The following CHRDL2 variants were observed in gnomAD, a reference collection of about 807,000 sequenced individuals.
The protein encoded by CHRDL2 is chordin-like protein 2.
In CHRDL2, 41 loss-of-function variants were observed where a neutral mutation model predicts 54.3. The ratio of observed to expected loss-of-function variants is 0.76; its 90% CI spans 0.59 to 0.98. CHRDL2 has a LOEUF of 0.98. Ranked by LOEUF, CHRDL2 falls within the 50% of genes least tolerant of loss-of-function variation. CHRDL2 has a pLI of 0.00. For synonymous variants in CHRDL2, 220 were observed against 224.3 expected (o/e 0.98, Z 0.17); for missense variants, 518 against 562.4 (o/e 0.92, Z 0.80).
chr11:74,713,650 AG>A (rs1005491567), intron 2 of CHRDL2, among the ~76,000 whole-genome samples, 171 bp from the exon 3 acceptor site: 2 of 152,184 alleles, frequency 1.3e-5, no homozygotes, highest in African/African-American at 4.8e-5. Flanking sequence ...CTGCCCACCA[AG>A]GGGATCTCAC....
chr11:74,709,112 G>A lies in CHRDL2; in HGVS notation c.433-717C>T, dbSNP rs144250870. ...AGAGGGTCTGAGAAGTGAGTGTTCC[G>A]GTCCCTCGGGTGAGGCCAGAAGAAA... is the stretch of plus-strand genomic sequence containing the variant. On this transcript the variant is annotated intron_variant, in intron 4 of 10. Transcript: ENST00000376332. 7.9e-4 allele frequency among the ~76,000 whole-genome samples: 121 copies of A among 152,312 alleles called. 4 individuals carry two copies. The South Asian group carries it at 0.024, about 30-fold the overall frequency.
rs763486343 is a variant in CHRDL2, at chr11:74,703,474, G to C, written c.777C>G (p.Tyr259Ter). 4 of 1,607,110 alleles carry C rather than the reference G, an allele frequency of 2.5e-6. No individual in the cohort carries two copies. The highest frequency in any genetic ancestry group is 1.7e-6 in the Non-Finnish European group (2 of 1,175,962). The change falls in exon 8 of 11, where the codon TAC (tyrosine) becomes TAG (stop). Residue 259 changes from tyrosine to a stop codon, truncating the protein, a stop_gained. Transcript: ENST00000376332. LOFTEE classifies it high-confidence loss of function. ...CCGGGTGCCACACCTCCCCGTGGGA[G>C]TACGTCTTCCCGCCATGCACACAGG... is the stretch of plus-strand genomic sequence containing the variant. ...KKACVHGGKT[Y>*]SHGEVWHPAF... is the part of the protein sequence containing the mutation.
chr11:74,706,386 A>T, intron 6 of CHRDL2, 101 bp downstream of exon 6: 1 of 1,174,140 alleles, frequency 8.5e-7, no homozygotes, highest in Non-Finnish European at 1.3e-6. Flanking sequence ...CAAACAAGAA[A>T]TGAGGACAAT....
At chr11:74,709,620 T>C (rs2034120109) in intron 4 of CHRDL2, among the ~76,000 whole-genome samples, 1 of 152,192 alleles carries the variant, frequency 6.6e-6, no homozygotes, top group Admixed American at 6.5e-5. Context: ...CTGTTTGCTC[T>C]GCAGCACAGA....
At chr11:74,718,976 C>T (rs2034438124) in intron 1 of CHRDL2, 144 bp from the exon 2 acceptor site, 1 of 611,290 alleles carries the variant, frequency 1.6e-6, no homozygotes, top group Non-Finnish European at 2.9e-6. Flanking sequence ...TGGGCATGCT[C>T]TCCTAGGCAA....
intron 9 of CHRDL2, among the ~76,000 whole-genome samples, chr11:74,702,592 T>G (rs1177231227): frequency 6.6e-6 from 1 of 152,214 alleles, no homozygotes; most frequent in African/African-American, 2.4e-5. Context: ...GCCTTGGCAT[T>G]AGCAGGAGGA....
intron 9 of CHRDL2, chr11:74,701,762 CATT>C: frequency 1.8e-6 from 1 of 549,584 alleles, no homozygotes; most frequent in South Asian, 2.5e-5. Flanking sequence ...TTATTATTAT[CATT>C]GTCATTTTTC....
chr11:74,696,872 C>T (rs954148769), intron 10 of CHRDL2, among the ~76,000 whole-genome samples: 3 of 152,190 alleles, frequency 2.0e-5, no homozygotes, highest in Non-Finnish European at 4.4e-5. Context: ...CTGGGTCCAT[C>T]TTCCTAAAAG....
At chr11:74,706,424 G>C in intron 6 of CHRDL2, 63 bp downstream of exon 6, 1 of 1,523,792 alleles carries the variant, frequency 6.6e-7, no homozygotes, top group Non-Finnish European at 9.1e-7. Flanking sequence ...CCAGAGTCAC[G>C]AGATTTAGGC....
At chr11:74,724,831 T>C (rs990667824) in intron 1 of CHRDL2, among the ~76,000 whole-genome samples, 6 of 152,224 alleles carry the variant, frequency 3.9e-5, no homozygotes, top group African/African-American at 1.2e-4. Flanking sequence ...TGGGACCTTC[T>C]TGAGAGCAAG....
intron 1 of CHRDL2, among the ~76,000 whole-genome samples, 155 bp downstream of exon 1, chr11:74,730,652 C>A (rs1460314834): frequency 6.6e-6 from 1 of 152,218 alleles, no homozygotes; most frequent in Non-Finnish European, 1.5e-5. Flanking sequence ...TCCGGTCCCC[C>A]GGCCCATACT....
intron 9 of CHRDL2, among the ~76,000 whole-genome samples, chr11:74,701,841 T>C (rs564359616): frequency 1.3e-5 from 2 of 152,316 alleles, no homozygotes; most frequent in East Asian, 3.9e-4. Context: ...AAAGGAACTT[T>C]AGAGCTAATT....
rs776563669 is a variant in CHRDL2 at position 74,702,914 on chromosome 11, C to T, written c.1000G>A (p.Ala334Thr). ...SEISSTRCPK[A>T]PGRVLVHTSV... ...GTGTGGACGAGGACCCGGCCCGGTG[C>T]CTTGGGACACCTGGTAGAACTGATC... The change falls in exon 9 of 11, where the codon GCA becomes ACA. Residue 334 changes from alanine to threonine, a missense_variant. Coordinates refer to ENST00000376332, the MANE Select transcript of CHRDL2 (RefSeq NM_001278473.3). The T allele has an allele frequency of 3.8e-5, 61 of 1,614,008 alleles. No individual in the cohort carries two copies. The highest frequency in any genetic ancestry group is 5.2e-5 in the Non-Finnish European group (61 of 1,180,006).
intron 10 of CHRDL2, 28 bp downstream of exon 10, chr11:74,697,171 TGCCCCG>T (rs766315556): frequency 3.8e-6 from 6 of 1,562,670 alleles, no homozygotes; most frequent in Non-Finnish European, 5.3e-6. Flanking sequence ...GCCTTCTTCC[TGCCCCG>T]GCCCCATTCC....
In CHRDL2 at chr11:74,715,983, AAATAAATAAAT is replaced by A. The variant is rs1200730191; in HGVS notation, c.196-2515_196-2505del. Among the ~76,000 whole-genome samples the A allele has an allele frequency of 2.7e-5, 4 of 150,146 alleles. No homozygotes were observed. The East Asian group carries it at 7.7e-4, about 29-fold the overall frequency. On this transcript the variant is annotated intron_variant, in intron 2 of 10. Coordinates refer to ENST00000376332, the MANE Select transcript of CHRDL2 (RefSeq NM_001278473.3). ...ACAGAGCGAGACTCTGTCTCAAAAT[AAATAAATAAAT>A]AATAAATAAATAAATAGAGGAATAT...
At chr11:74,727,005 C>T (rs2034582435) in intron 1 of CHRDL2, among the ~76,000 whole-genome samples, 1 of 152,222 alleles carries the variant, frequency 6.6e-6, no homozygotes, top group Non-Finnish European at 1.5e-5. Flanking sequence ...CCACTCCTCC[C>T]TGGCAGGGCA....
At chr11:74,717,503 C>T (rs919149334) in intron 2 of CHRDL2, among the ~76,000 whole-genome samples, 6 of 152,178 alleles carry the variant, frequency 3.9e-5, no homozygotes, top group Admixed American at 1.3e-4. Flanking sequence ...TAAGGCAAAC[C>T]GAGGGGAGGC....
chr11:74,723,161 C>T (rs2034523071), intron 1 of CHRDL2, among the ~76,000 whole-genome samples: 1 of 152,072 alleles, frequency 6.6e-6, no homozygotes, highest in Non-Finnish European at 1.5e-5. Context: ...ATTTGAGAAA[C>T]ACTTAGGAGG....
intron 4 of CHRDL2, among the ~76,000 whole-genome samples, chr11:74,709,938 T>C (rs2034130703): frequency 6.6e-6 from 1 of 152,138 alleles, no homozygotes; most frequent in Non-Finnish European, 1.5e-5. Flanking sequence ...CATGCTGGGC[T>C]GGGCGCGGTG....
Sources: allele counts gnomAD v4.1 joint callset (sites outside exome capture counted in the v4.1 genomes callset), GRCh38; gene constraint gnomAD v4.1.1; transcripts MANE v1.5; gene names NCBI Gene and HGNC (gene_info 2026-07-23, HGNC 2026-07-21).